Variants in CAD observed in about 807,000 individuals in gnomAD.
CAD encodes the protein carbamoyl-phosphate synthetase 2, aspartate transcarbamylase, and dihydroorotase.
CAD carries 81 observed loss-of-function variants against 237.2 expected under a neutral mutation model. The observed-to-expected ratio is 0.34, with a 90% CI of 0.29 to 0.41. The LOEUF (loss-of-function observed/expected upper bound fraction) is 0.41, where lower values mean the gene tolerates loss of function less well. CAD is among the 10% of genes least tolerant of loss of function. CAD has a pLI of 1.00. For synonymous variants in CAD, 1,196 were observed against 1,162.8 expected (o/e 1.03, Z -0.58); for missense variants, 2,181 against 2,951.7 (o/e 0.74, Z 6.05).
chr2:27,240,206 G>T lies in CAD; in HGVS notation c.5497-59G>T. ...TGCACTCCAGCCTGAGCGACAGAAC[G>T]AGACTCCGTCTCAAAAGAAAAAAAA... On this transcript the variant is annotated intron_variant, in intron 34 of 43. Coordinates refer to ENST00000264705, the MANE Select transcript of CAD (RefSeq NM_004341.5). The surrounding 1 kb of genome is among the most constrained non-coding windows in gnomAD (Gnocchi z 4.6). The T allele has an allele frequency of 1.5e-6, 2 of 1,335,488 alleles. No homozygotes were observed. The highest frequency in any genetic ancestry group is 1.2e-5 in the South Asian group (1 of 82,128). The allele number at this position is 1,335,488 out of a possible 1,614,324, so 82.7% of individuals were successfully genotyped here.
intron 15 of CAD, among the ~76,000 whole-genome samples, chr2:27,228,951 CCT>C (rs1675583978): frequency 8.8e-6 from 1 of 113,866 alleles, no homozygotes; most frequent in South Asian, 2.9e-4. Flanking sequence ...GCAGAGTCTT[CCT>C]CTGTCGCCAG....
Position 27,217,650 on chromosome 2 carries a change from A to G in CAD, c.82+17A>G. 1 of 1,592,098 alleles carries G rather than the reference A, an allele frequency of 6.3e-7. No individual in the cohort carries two copies. The highest frequency in any genetic ancestry group is 8.6e-7 in the Non-Finnish European group (1 of 1,169,012). ...GGGAAGTGGGTAAGCAAGCCCGGTT[A>G]GGCTGCAGACCTTATCCCACTCTGT... On this transcript the variant is annotated intron_variant, in intron 1 of 43. Transcript: ENST00000264705.
Position 27,239,470 on chromosome 2 carries a change from A to G in CAD, c.5393A>G (p.Gln1798Arg), listed in dbSNP as rs1676190806. 5 of 1,613,374 alleles carry G rather than the reference A, an allele frequency of 3.1e-6. No homozygotes were observed. The highest frequency in any genetic ancestry group is 1.1e-5 in the South Asian group (1 of 91,048). ...GGGGAGGTTGCCTATATCGATGGGCAGGTACGCAAGTAGCCCCTGCCTGAT... is the reference window on the plus strand; with the variant it reads ...GGGGAGGTTGCCTATATCGATGGGCGGGTACGCAAGTAGCCCCTGCCTGAT... Reference protein sequence around the residue: ...LRGEVAYIDGQVLVPPGYGQD... With the variant: ...LRGEVAYIDGRVLVPPGYGQD... Residue 1798 changes from glutamine to arginine, a missense_variant and splice_region_variant, in exon 33 of 44, where the codon CAG becomes CGG. Around this residue, in one of 12 missense-constraint regions of CAD, gnomAD observed 478 missense variants for 515.0 expected, o/e 0.93. Transcript: ENST00000264705. The surrounding 1 kb of genome is among the most constrained non-coding windows in gnomAD (Gnocchi z 4.0).
intron 8 of CAD, 82 bp downstream of exon 8, chr2:27,224,111 C>A (rs762156206): frequency 9.3e-7 from 1 of 1,070,400 alleles, no homozygotes; most frequent in Non-Finnish European, 1.4e-6. Context: ...ATGCCCTGGG[C>A]AACTCCTAGA....
At chr2:27,234,263 C>A in intron 22 of CAD, 37 bp downstream of exon 22, 1 of 1,562,946 alleles carries the variant, frequency 6.4e-7, no homozygotes, top group Non-Finnish European at 8.8e-7. Context: ...AGGGCCACAG[C>A]TCTTGCATGT....
Position 27,232,706 on chromosome 2 carries a change from C to G in CAD, c.2892+12C>G. 1 of 1,613,976 alleles carries G rather than the reference C, an allele frequency of 6.2e-7. No individual in the cohort carries two copies. The highest frequency in any genetic ancestry group is 1.1e-5 in the South Asian group (1 of 91,004). ...AGCAGCTCCGAAAGGTCAGAGAGTT[C>G]ATTTTCTTTCCACTTTCCTTGCTAT... On this transcript the variant is annotated intron_variant, in intron 18 of 43. Coordinates refer to ENST00000264705, the MANE Select transcript of CAD (RefSeq NM_004341.5). This position sits in a 1 kb window ranked among gnomAD's most constrained non-coding sequence, Gnocchi z 4.1.
chr2:27,226,411 C>G (rs1675445588), intron 13 of CAD, 92 bp downstream of exon 13: 5 of 1,541,332 alleles, frequency 3.2e-6, no homozygotes, highest in Non-Finnish European at 4.5e-6. Context: ...TTTGGGCTTA[C>G]AGTCCCTGGA....
chr2:27,242,013 G>A lies in CAD; in HGVS notation c.5986G>A (p.Glu1996Lys), dbSNP rs76695801. The A allele has an allele frequency of 6.2e-7, 1 of 1,613,282 alleles. No individual in the cohort carries two copies. Among genetic ancestry groups the A allele is most frequent in the Non-Finnish European group, 8.5e-7 (1 of 1,180,024 alleles). The change falls in exon 39 of 44, where the codon GAA becomes AAA. Residue 1996 changes from glutamate (E) to lysine (K), a missense_variant. By Grantham distance (56) the Glu-to-Lys change is moderately conservative (BLOSUM62 1). This residue lies in a region of CAD where 203 missense variants were observed against 284.5 expected (regional missense o/e 0.71). Transcript: ENST00000264705. This position sits in a 1 kb window ranked among gnomAD's most constrained non-coding sequence, Gnocchi z 6.4. ...RLGGAVLSFS[E>K]ATSSVQKGES... The stretch of plus-strand genomic sequence containing the variant: ...GGGAGGTGCTGTGCTCAGCTTCTCG[G>A]AAGCCACATCGTCCGTCCAGAAGGG...
At position 27,242,348 on chromosome 2, in the gene CAD, G is replaced by A. The variant is rs1359285965; in HGVS notation, c.6143G>A (p.Gly2048Glu). Residue 2048 changes from glycine to glutamate, a missense_variant, in exon 40 of 44, where the codon GGG becomes GAG. This residue lies in a region of CAD where 203 missense variants were observed against 284.5 expected (regional missense o/e 0.71). Transcript: ENST00000264705. This position sits in a 1 kb window ranked among gnomAD's most constrained non-coding sequence, Gnocchi z 6.4. ...AGGCCAGTGATCAATGCTGGGGATGGGGTCGGAGAGCACCCCACCCAGGCC... is the reference window on the plus strand; with the variant it reads ...AGGCCAGTGATCAATGCTGGGGATGAGGTCGGAGAGCACCCCACCCAGGCC... Reference protein sequence around the residue: ...CRRPVINAGDGVGEHPTQALL... With the variant: ...CRRPVINAGDEVGEHPTQALL... 1.9e-6 allele frequency: 3 copies of A among 1,614,076 alleles called. No individual in the cohort carries two copies. The highest frequency in any genetic ancestry group is 1.7e-5 in the Admixed American group (1 of 60,010).
Position 27,223,896 on chromosome 2 carries a change from A to G in CAD, c.996-21A>G, listed in dbSNP as rs767559057. The G allele has an allele frequency of 3.1e-6, 5 of 1,593,210 alleles. No individual in the cohort carries two copies. In the Admixed American group the frequency reaches 8.3e-5, roughly 27 times the overall value. On this transcript the variant is annotated intron_variant, in intron 7 of 43. Transcript: ENST00000264705. ...CATGCCAGGGACCATGATGGTTTTC[A>G]TGATGCAATCTCTTCAATAGTGTCC...
In CAD at chr2:27,238,160, C is replaced by T; in HGVS notation, c.4833C>T (p.His1611=). ...CTCAGCTCACTCAGCGCTCAGTGCA[C>T]ATATGTCACGTGGCACGGAAGGAGG... The part of the protein sequence containing the change: ...MVAQLTQRSV[H]ICHVARKEEI... The change falls in exon 30 of 44, where the codon CAC becomes CAT. Residue 1611 remains histidine, a synonymous_variant. Coordinates refer to ENST00000264705, the MANE Select transcript of CAD (RefSeq NM_004341.5). 2 of 1,614,136 alleles carry T rather than the reference C, an allele frequency of 1.2e-6. No homozygotes were observed. Among genetic ancestry groups the T allele is most frequent in the Non-Finnish European group, 8.5e-7 (1 of 1,180,030 alleles).
chr2:27,224,069 A>G, intron 8 of CAD, 40 bp downstream of exon 8: 1 of 1,439,168 alleles, frequency 6.9e-7, no homozygotes, highest in Non-Finnish European at 9.8e-7. Context: ...ACCTAAGAAC[A>G]GGGTTGGCTC....
At position 27,239,211 on chromosome 2, in the gene CAD, G is replaced by A. The variant is rs61754190; in HGVS notation, c.5232G>A (p.Pro1744=). ...CTCGGCGCATCTTTCACCTGCCCCCGCAGGAGGACACCTATGTGGAGGTGT... is the reference window on the plus strand; with the variant it reads ...CTCGGCGCATCTTTCACCTGCCCCCACAGGAGGACACCTATGTGGAGGTGT... ...HNPRRIFHLP[P]QEDTYVEVDL... is the part of the protein sequence containing the mutation. The change falls in exon 32 of 44, where the codon CCG becomes CCA. Residue 1744 remains proline, a synonymous_variant. Coordinates refer to ENST00000264705, the MANE Select transcript of CAD (RefSeq NM_004341.5). The surrounding 1 kb of genome is among the most constrained non-coding windows in gnomAD (Gnocchi z 4.0). The A allele has an allele frequency of 6.6e-4, 1,054 of 1,607,286 alleles. 1 individual carries two copies. The highest frequency in any genetic ancestry group is 1.0e-3 in the Admixed American group (60 of 59,558).
intron 14 of CAD, 82 bp from the exon 15 acceptor site, chr2:27,226,750 T>G: frequency 6.2e-7 from 1 of 1,602,662 alleles, no homozygotes; most frequent in Non-Finnish European, 8.5e-7. Context: ...CCTGGATTTG[T>G]GGGAATGGAA....
Position 27,238,648 on chromosome 2 carries a change from A to T in CAD, c.5062+16A>T. On this transcript the variant is annotated intron_variant, in intron 31 of 43. Transcript: ENST00000264705. ...TCAGACCATGGTGAGAGAATCCAGCATGTACCTCCTCTGCCCAGTGGGGCT... is the reference window on the plus strand; with the variant it reads ...TCAGACCATGGTGAGAGAATCCAGCTTGTACCTCCTCTGCCCAGTGGGGCT... 6.3e-7 allele frequency: 1 copy of T among 1,599,552 alleles called. No homozygotes were observed. The highest frequency in any genetic ancestry group is 8.5e-7 in the Non-Finnish European group (1 of 1,172,358).
At chr2:27,218,730 C>CT (rs1302348657) in intron 2 of CAD, among the ~76,000 whole-genome samples, 4 of 152,122 alleles carry the variant, frequency 2.6e-5, no homozygotes, top group African/African-American at 7.2e-5. Flanking sequence ...AATTTGGAAA[C>CT]TAAGTTGCCC....
Position 27,240,513 on chromosome 2 carries a change from C to A in CAD, c.5593+152C>A. 6.5e-7 allele frequency: 1 copy of A among 1,528,530 alleles called. No homozygotes were observed. The allele number at this position is 1,528,530 out of a possible 1,614,324, so 94.7% of individuals were successfully genotyped here. A position where few individuals can be genotyped will look rare whatever the true frequency, so the allele number is the denominator to read the frequency against. On this transcript the variant is annotated intron_variant, in intron 35 of 43. Transcript: ENST00000264705. This position sits in a 1 kb window ranked among gnomAD's most constrained non-coding sequence, Gnocchi z 4.6. ...CATCCTTTGCCTAAACAAGTCTCCC[C>A]GGTGTGAGTAGACATCTCACAGCTT...
In CAD at chr2:27,236,570, G is replaced by T; in HGVS notation, c.4314+47G>T. On this transcript the variant is annotated intron_variant, in intron 26 of 43. Transcript: ENST00000264705. This position sits in a 1 kb window ranked among gnomAD's most constrained non-coding sequence, Gnocchi z 4.1. ...GGAGGGAGACTGCCAGTGTTGATGGGAAGAAGAAAGAGGGAGGAGTGAGTA... is the reference window on the plus strand; with the variant it reads ...GGAGGGAGACTGCCAGTGTTGATGGTAAGAAGAAAGAGGGAGGAGTGAGTA... The T allele has an allele frequency of 6.2e-7, 1 of 1,603,094 alleles. No homozygotes were observed. The highest frequency in any genetic ancestry group is 1.1e-5 in the South Asian group (1 of 90,782).
At position 27,235,587 on chromosome 2, in the gene CAD, A is replaced by C; in HGVS notation, c.4021A>C (p.Ser1341Arg). ...GCGGCTACTGGAGAGCCTGGGCTACAGCCTCTATGCCAGTCTCGGCACAGC... is the reference window on the plus strand; with the variant it reads ...GCGGCTACTGGAGAGCCTGGGCTACCGCCTCTATGCCAGTCTCGGCACAGC... ...TVRLLESLGY[S>R]LYASLGTADF... is the part of the protein sequence containing the mutation. The change falls in exon 25 of 44, where the codon AGC (serine) becomes CGC (arginine). Residue 1341 changes from serine (S) to arginine (R), a missense_variant. Ser to Arg is a moderately radical substitution (Grantham distance 110). This residue lies in a region of CAD where 306 missense variants were observed against 607.9 expected (regional missense o/e 0.50). Transcript: ENST00000264705. The surrounding 1 kb of genome is among the most constrained non-coding windows in gnomAD (Gnocchi z 5.2). 1 of 1,614,218 alleles carries C rather than the reference A, an allele frequency of 6.2e-7. No individual in the cohort carries two copies. Among genetic ancestry groups the C allele is most frequent in the Non-Finnish European group, 8.5e-7 (1 of 1,180,042 alleles).
Sources: gnomAD v4.1 joint callset for allele counts (sites outside exome capture counted in the v4.1 genomes callset) on GRCh38, gnomAD v4.1.1 for gene constraint, gnomAD v4.1.1 regional missense constraint, Gnocchi (gnomAD v3.1) non-coding constraint, MANE v1.5 for transcripts, NCBI Gene and HGNC (gene_info 2026-07-23, HGNC 2026-07-21) for gene names.